Variants in GLRA2 observed in about 807,000 individuals in gnomAD.
The protein encoded by GLRA2 is glycine receptor alpha 2, also known as glycine receptor subunit alpha-2.
In GLRA2, 11 loss-of-function variants were observed where a neutral mutation model predicts 31.6. That is an observed-to-expected ratio of 0.35 (90% CI 0.22 to 0.58). The LOEUF (loss-of-function observed/expected upper bound fraction) is 0.58, where lower values mean the gene tolerates loss of function less well. Among genes scored for constraint, GLRA2 ranks in the 20% least tolerant of loss-of-function variants. The pLI, the probability that GLRA2 is intolerant of heterozygous loss-of-function variation, is 0.84. For synonymous variants in GLRA2, 132 were observed against 134.0 expected (o/e 0.99, Z 0.10); for missense variants, 212 against 351.8 (o/e 0.60, Z 3.18).
chrX:14,498,439 T>C, the GLRA2 span, among the ~76,000 whole-genome samples: 9 of 111,208 alleles, frequency 8.1e-5, no homozygotes, highest in East Asian at 5.7e-4. Flanking sequence ...TACCCCTTGA[T>C]AGAAAGTATT....
At chrX:14,676,293 A>C in intron 7 of GLRA2, among the ~76,000 whole-genome samples, 1 of 112,984 alleles carries the variant, frequency 8.9e-6, no homozygotes, top group East Asian at 2.8e-4. Flanking sequence ...AGAATAATTA[A>C]ACATTGACTC....
intron 2 of GLRA2, among the ~76,000 whole-genome samples, chrX:14,552,874 G>T (rs2089585158): frequency 8.9e-6 from 1 of 111,895 alleles, no homozygotes; most frequent in Non-Finnish European, 1.9e-5. Context: ...AGCATGAAAA[G>T]ATCATGGGTA....
At chrX:14,474,869 T>C in the GLRA2 span, among the ~76,000 whole-genome samples, 1 of 112,152 alleles carries the variant, frequency 8.9e-6, no homozygotes, top group East Asian at 2.8e-4. Flanking sequence ...CTGCTTACAT[T>C]ATGTTTGTGA....
At chrX:14,632,411 T>G (rs1180861746) in intron 7 of GLRA2, among the ~76,000 whole-genome samples, 2 of 111,534 alleles carry the variant, frequency 1.8e-5, no homozygotes, top group Admixed American at 9.6e-5. Context: ...CAACTAGCAT[T>G]AGCTTGTAAA....
chrX:14,496,080 G>A, the GLRA2 span, among the ~76,000 whole-genome samples: 14 of 111,407 alleles, frequency 1.3e-4, no homozygotes, highest in African/African-American at 3.6e-4. Flanking sequence ...TAGCATGGGC[G>A]AAATGCAAAG....
chrX:14,475,241 G>A, the GLRA2 span, among the ~76,000 whole-genome samples: 3 of 112,207 alleles, frequency 2.7e-5, no homozygotes, highest in Non-Finnish European at 5.6e-5. Context: ...TGTCCTTTTT[G>A]CAGACTTGCT....
chrX:14,642,726 T>A (rs769026473), intron 7 of GLRA2, among the ~76,000 whole-genome samples: 1 of 111,500 alleles, frequency 9.0e-6, no homozygotes, highest in Admixed American at 9.6e-5. Context: ...TTTAAGAAAT[T>A]GACACAGGAA....
the GLRA2 span, among the ~76,000 whole-genome samples, chrX:14,480,087 T>C: frequency 8.9e-6 from 1 of 112,063 alleles, no homozygotes; most frequent in Admixed American, 9.4e-5. Flanking sequence ...TGATATTTCA[T>C]TGTGGCTTTG....
At chrX:14,645,682 G>A (rs778688874) in intron 7 of GLRA2, among the ~76,000 whole-genome samples, 13 of 112,030 alleles carry the variant, frequency 1.2e-4, no homozygotes, top group Admixed American at 1.9e-4. Context: ...CACAGCTTTC[G>A]GTGGAGTCCA....
chrX:14,637,798 C>T (rs2090726150), intron 7 of GLRA2, among the ~76,000 whole-genome samples: 1 of 111,920 alleles, frequency 8.9e-6, no homozygotes, highest in South Asian at 3.7e-4. Flanking sequence ...ATTGCTCCCA[C>T]AGGTTTCATA....
intron 2 of GLRA2, among the ~76,000 whole-genome samples, chrX:14,550,260 GTT>G (rs112010468): frequency 3.9e-4 from 38 of 97,976 alleles, no homozygotes; most frequent in African/African-American, 1.3e-3. Context: ...GGGAAAGGAG[GTT>G]TTTTTTTTTT....
At chrX:14,622,140 T>G (rs1482742062) in intron 7 of GLRA2, among the ~76,000 whole-genome samples, 1 of 112,594 alleles carries the variant, frequency 8.9e-6, no homozygotes, top group Non-Finnish European at 1.9e-5. Flanking sequence ...CATGTGTCTT[T>G]TGGCTGCATA....
chrX:14,687,299 G>A (rs991979978), intron 7 of GLRA2, among the ~76,000 whole-genome samples: 8 of 111,369 alleles, frequency 7.2e-5, no homozygotes, highest in African/African-American at 2.6e-4. Context: ...TGCTCTTCTC[G>A]AGGAGTATCT....
chrX:14,585,368 T>C (rs895608789), intron 4 of GLRA2, among the ~76,000 whole-genome samples: 2 of 111,186 alleles, frequency 1.8e-5, no homozygotes, highest in Admixed American at 9.6e-5. Context: ...TAGGAATAAA[T>C]AGGAAACAAG....
intron 7 of GLRA2, among the ~76,000 whole-genome samples, chrX:14,673,649 C>T (rs2091115822): frequency 8.9e-6 from 1 of 111,937 alleles, no homozygotes; most frequent in African/African-American, 3.2e-5. Flanking sequence ...TAAACCTTAC[C>T]CACCATTCCA....
At chrX:14,649,088 C>A (rs2090862933) in intron 7 of GLRA2, among the ~76,000 whole-genome samples, 1 of 110,412 alleles carries the variant, frequency 9.1e-6, no homozygotes, top group South Asian at 3.9e-4. Context: ...GTGGCACGTG[C>A]CTGTAGTCCC....
At chrX:14,725,805 T>G (rs886576075) in intron 8 of GLRA2, among the ~76,000 whole-genome samples, 1 of 112,109 alleles carries the variant, frequency 8.9e-6, no homozygotes, top group Non-Finnish European at 1.9e-5. Context: ...AATTAGATAA[T>G]AAATTTCAAG....
At chrX:14,534,211 A>AT (rs1388929435) in intron 2 of GLRA2, among the ~76,000 whole-genome samples, 2 of 91,924 alleles carry the variant, frequency 2.2e-5, no homozygotes, top group African/African-American at 7.5e-5. Flanking sequence ...AAGTGTGGCC[A>AT]TGTTTTTTTT....
At chrX:14,552,638 G>A (rs1044913394) in intron 2 of GLRA2, among the ~76,000 whole-genome samples, 4 of 111,893 alleles carry the variant, frequency 3.6e-5, no homozygotes, top group African/African-American at 1.3e-4. Flanking sequence ...TATGACTGGA[G>A]ATGAATGTTT....
Sources: allele counts gnomAD v4.1 joint callset (sites outside exome capture counted in the v4.1 genomes callset), GRCh38; gene constraint gnomAD v4.1.1; transcripts MANE v1.5; gene names NCBI Gene and HGNC (gene_info 2026-07-23, HGNC 2026-07-21).